Variants in DYM observed in about 807,000 individuals in gnomAD.
DYM encodes the protein dyggve-Melchior-Clausen syndrome protein.
DYM carries 78 observed loss-of-function variants against 93.1 expected under a neutral mutation model. That is an observed-to-expected ratio of 0.84 (90% CI 0.70 to 1.01). DYM has a LOEUF of 1.01. Ranked by LOEUF, DYM falls within the 50% of genes least tolerant of loss-of-function variation. The pLI is 0.00. For missense variants in DYM, 789 were observed against 845.0 expected, an observed-to-expected ratio of 0.93 and a Z score of 0.82; for synonymous variants, 321 against 319.7, an observed-to-expected ratio of 1.00 and a Z score of -0.04.
chr18:49,066,244 A>C (rs899764032), intron 17 of DYM, among the ~76,000 whole-genome samples: 2 of 152,050 alleles, frequency 1.3e-5, no homozygotes, highest in Non-Finnish European at 2.9e-5. Context: ...CCTGGCCATC[A>C]CCACCCTGAT....
chr18:49,424,670 A>C (rs1320816516), intron 2 of DYM, among the ~76,000 whole-genome samples: 1 of 152,190 alleles, frequency 6.6e-6, no homozygotes, highest in Non-Finnish European at 1.5e-5. Context: ...AAATCTCCTT[A>C]AGCTGATAAG....
rs913191755 is a variant in DYM at position 49,404,093 on chromosome 18, C to G, written c.141-12448G>C. 2.0e-5 allele frequency among the ~76,000 whole-genome samples: 3 copies of G among 152,022 alleles called. No homozygotes were observed. The South Asian group carries it at 6.2e-4, about 32-fold the overall frequency. On this transcript the variant is annotated intron_variant, in intron 2 of 17. Transcript: ENST00000675505. ...CACAATCTCGGCTCACTGCAACCTC[C>G]GCCTCCCGGATTCAAGCAATTCCCC... is the stretch of plus-strand genomic sequence containing the variant.
At chr18:49,216,495 G>A (rs992103754) in intron 13 of DYM, among the ~76,000 whole-genome samples, 20 of 152,140 alleles carry the variant, frequency 1.3e-4, no homozygotes, top group Non-Finnish European at 2.1e-4. Context: ...CTAACTGGGA[G>A]GCACCCCCCA....
intron 11 of DYM, among the ~76,000 whole-genome samples, chr18:49,267,036 C>CA (rs1341375336): frequency 2.6e-5 from 4 of 151,548 alleles, no homozygotes; most frequent in African/African-American, 4.8e-5. Context: ...AAATAGAAAA[C>CA]AAAAAATGGA....
intron 2 of DYM, chr18:49,413,232 A>T (rs2148222686): frequency 6.6e-6 from 1 of 152,302 alleles, no homozygotes; most frequent in South Asian, 2.1e-4. Flanking sequence ...TTTAAATTAA[A>T]TCTGGTCCTT....
At chr18:49,117,451 T>G (rs1376226939) in intron 16 of DYM, among the ~76,000 whole-genome samples, 1 of 152,226 alleles carries the variant, frequency 6.6e-6, no homozygotes, top group Non-Finnish European at 1.5e-5. Flanking sequence ...TAATACATCC[T>G]ATGTGTTTCA....
At chr18:49,142,049 A>C (rs1382122363) in intron 15 of DYM, among the ~76,000 whole-genome samples, 1 of 150,120 alleles carries the variant, frequency 6.7e-6, no homozygotes, top group Non-Finnish European at 1.5e-5. Flanking sequence ...TCTTTAGTAG[A>C]CAGGGGTTTC....
At chr18:49,285,561 A>C (rs2095101947) in intron 9 of DYM, among the ~76,000 whole-genome samples, 1 of 152,226 alleles carries the variant, frequency 6.6e-6, no homozygotes, top group East Asian at 1.9e-4. Context: ...GTTACAACTG[A>C]CTACAGCATT....
At chr18:49,275,014 G>C (rs911941554) in intron 10 of DYM, among the ~76,000 whole-genome samples, 2 of 151,688 alleles carry the variant, frequency 1.3e-5, no homozygotes, top group African/African-American at 4.8e-5. Context: ...TTCTTTCATT[G>C]CTCATGCTTT....
At chr18:49,360,519 G>A (rs948818636) in intron 6 of DYM, among the ~76,000 whole-genome samples, 3 of 152,038 alleles carry the variant, frequency 2.0e-5, no homozygotes, top group Admixed American at 6.5e-5. Context: ...CTACTCAGGA[G>A]GCTGAGGCAG....
rs934869718 is a variant in DYM, at chr18:49,333,664, G to A, written c.620+64C>T. ...ATATGGGACGATACTCAGGTAAAAG[G>A]ACAAGACTAGAAATATAGATTTATA... On this transcript the variant is annotated intron_variant, in intron 7 of 17. Transcript: ENST00000675505. 3.2e-5 allele frequency: 50 copies of A among 1,539,914 alleles called. No individual in the cohort carries two copies. The South Asian group carries it at 5.3e-4, about 16-fold the overall frequency.
intron 11 of DYM, among the ~76,000 whole-genome samples, chr18:49,261,627 G>A (rs972968223): frequency 2.0e-5 from 3 of 152,086 alleles, no homozygotes; most frequent in Non-Finnish European, 2.9e-5. Flanking sequence ...CAGCCTGGAC[G>A]ACAGAGAAGA....
At chr18:49,285,977 A>C (rs1163209764) in intron 9 of DYM, among the ~76,000 whole-genome samples, 2 of 152,244 alleles carry the variant, frequency 1.3e-5, no homozygotes, top group African/African-American at 4.8e-5. Context: ...AACAGACTGC[A>C]GGAGAGACCA....
chr18:49,331,783 G>T, intron 8 of DYM, 81 bp downstream of exon 8: 1 of 1,489,590 alleles, frequency 6.7e-7, no homozygotes, highest in Non-Finnish European at 9.3e-7. Context: ...AATGGTGGCA[G>T]CCAAGCAAAC....
Position 49,036,963 on chromosome 18 carries a change from A to G in DYM, c.*7092T>C, listed in dbSNP as rs1210199080. On this transcript the variant is annotated 3_prime_UTR_variant, in exon 18 of 18. Coordinates refer to ENST00000675505, the MANE Select transcript of DYM (RefSeq NM_001353214.3). ...GTTGCCCAGGCTGGAGTGCAGTGGC[A>G]CAATCTCTGCCCACTGAACCCTCCA... is the stretch of plus-strand genomic sequence containing the variant. Among the ~76,000 whole-genome samples the G allele has an allele frequency of 6.6e-6, 1 of 152,008 alleles. No individual in the cohort carries two copies. Among genetic ancestry groups the G allele is most frequent in the East Asian group, 1.9e-4 (1 of 5,190 alleles).
chr18:49,133,926 T>C (rs1360635087), intron 15 of DYM, among the ~76,000 whole-genome samples: 1 of 152,196 alleles, frequency 6.6e-6, no homozygotes, highest in East Asian at 1.9e-4. Context: ...TTATTATACC[T>C]ACCACAATTC....
chr18:49,206,876 G>A (rs2146038687), intron 14 of DYM, among the ~76,000 whole-genome samples: 1 of 152,258 alleles, frequency 6.6e-6, no homozygotes, highest in East Asian at 1.9e-4. Flanking sequence ...AGGAAGGAGG[G>A]GGTTCCAGGA....
At chr18:49,183,152 G>A (rs1041455322) in intron 14 of DYM, among the ~76,000 whole-genome samples, 1 of 151,982 alleles carries the variant, frequency 6.6e-6, no homozygotes, top group African/African-American at 2.4e-5. Flanking sequence ...ACAACACTAC[G>A]TATTTGAGGG....
At chr18:49,342,234 T>C (rs1383016438) in intron 6 of DYM, among the ~76,000 whole-genome samples, 2 of 152,180 alleles carry the variant, frequency 1.3e-5, no homozygotes, top group Non-Finnish European at 2.9e-5. Flanking sequence ...GGATCTCTTG[T>C]TCCATCTTCG....
Sources: gnomAD v4.1 joint callset for allele counts (sites outside exome capture counted in the v4.1 genomes callset) on GRCh38, gnomAD v4.1.1 for gene constraint, MANE v1.5 for transcripts, NCBI Gene and HGNC (gene_info 2026-07-23, HGNC 2026-07-21) for gene names.